The following ENTPD1 variants were observed in gnomAD, a reference collection of about 807,000 sequenced individuals.
ENTPD1 encodes ectonucleoside triphosphate diphosphohydrolase 1, also known as ATP diphosphohydrolase.
Under a neutral mutation model 57.0 loss-of-function variants are expected in ENTPD1, and 33 were observed. The observed-to-expected ratio is 0.58, with a 90% CI of 0.44 to 0.77. The LOEUF (loss-of-function observed/expected upper bound fraction) is 0.77, where lower values mean the gene tolerates loss of function less well. Ranked by LOEUF, ENTPD1 falls within the 30% of genes least tolerant of loss-of-function variation. The pLI is 0.00. For synonymous variants in ENTPD1, 202 were observed against 218.8 expected (o/e 0.92, Z 0.68); for missense variants, 501 against 603.4 (o/e 0.83, Z 1.78).
chr10:95,830,356 G>T (rs919789157), intron 2 of ENTPD1, among the ~76,000 whole-genome samples: 18 of 152,234 alleles, frequency 1.2e-4, no homozygotes, highest in African/African-American at 4.1e-4. Flanking sequence ...AGTATTTTTG[G>T]CTTAAAAGTG....
chr10:95,784,397 T>C (rs1174613702), intron 1 of ENTPD1, among the ~76,000 whole-genome samples: 3 of 152,176 alleles, frequency 2.0e-5, no homozygotes, highest in Non-Finnish European at 4.4e-5. Context: ...CAGCAGCCAC[T>C]CTCTAACTGT....
intron 1 of ENTPD1, 119 bp from the exon 2 acceptor site, chr10:95,823,118 T>G (rs1301047587): frequency 1.7e-6 from 2 of 1,183,854 alleles, no homozygotes; most frequent in East Asian, 4.8e-5. Context: ...TAAAAAAGAT[T>G]GGCTTTTAAT....
intron 7 of ENTPD1, among the ~76,000 whole-genome samples, chr10:95,860,112 T>C (rs1303083544): frequency 3.9e-5 from 6 of 152,202 alleles, no homozygotes; most frequent in Non-Finnish European, 7.3e-5. Flanking sequence ...GTATAGAATT[T>C]TCCAGTTGTT....
intron 1 of ENTPD1, among the ~76,000 whole-genome samples, chr10:95,803,878 T>A (rs1344098808): frequency 6.6e-6 from 1 of 152,240 alleles, no homozygotes; most frequent in Non-Finnish European, 1.5e-5. Flanking sequence ...TTAATTTTTG[T>A]ATAAGGTGTA....
intron 1 of ENTPD1, among the ~76,000 whole-genome samples, chr10:95,732,468 T>C (rs552099272): frequency 6.6e-6 from 1 of 152,288 alleles, no homozygotes; most frequent in South Asian, 2.1e-4. Context: ...GTAGCAAAAA[T>C]AAAAATTTTC....
At chr10:95,812,771 A>T (rs947290053) in intron 1 of ENTPD1, among the ~76,000 whole-genome samples, 3 of 152,220 alleles carry the variant, frequency 2.0e-5, no homozygotes, top group Non-Finnish European at 2.9e-5. Flanking sequence ...TATTTAAAAA[A>T]TTTTGGCCAT....
At chr10:95,760,524 T>C (rs2098053098) in intron 1 of ENTPD1, among the ~76,000 whole-genome samples, 1 of 152,234 alleles carries the variant, frequency 6.6e-6, no homozygotes, top group Non-Finnish European at 1.5e-5. Flanking sequence ...AGCAATCAGC[T>C]GCACATTAAA....
intron 1 of ENTPD1, among the ~76,000 whole-genome samples, chr10:95,772,811 C>A (rs1367440435): frequency 6.6e-6 from 1 of 152,178 alleles, no homozygotes. Flanking sequence ...ACAGAAAAAT[C>A]ATTATGTATG....
intron 6 of ENTPD1, chr10:95,845,861 G>C (rs979191251): frequency 1.9e-6 from 1 of 518,056 alleles, no homozygotes; most frequent in African/African-American, 1.9e-5. Flanking sequence ...CCCCTCGTGG[G>C]GTTGATAATG....
intron 1 of ENTPD1, 140 bp downstream of exon 1, chr10:95,756,395 G>A (rs536684959): frequency 1.0e-6 from 1 of 978,572 alleles, no homozygotes; most frequent in East Asian, 2.6e-5. Context: ...TTCCTTCTGA[G>A]AGGAGGCAGA....
At chr10:95,833,584 C>T (rs1211323853) in intron 2 of ENTPD1, 1 of 152,132 alleles carries the variant, frequency 6.6e-6, no homozygotes, top group Non-Finnish European at 1.5e-5. Context: ...TCTGAAGGGA[C>T]CATGAAAAGT....
At chr10:95,728,402 T>A (rs1411554719) in intron 1 of ENTPD1, among the ~76,000 whole-genome samples, 1 of 152,202 alleles carries the variant, frequency 6.6e-6, no homozygotes, top group Non-Finnish European at 1.5e-5. Flanking sequence ...TAAGTTTATG[T>A]TGTCTGTTTA....
At chr10:95,770,267 G>GTGTC (rs1292134299) in intron 1 of ENTPD1, among the ~76,000 whole-genome samples, 5 of 151,544 alleles carry the variant, frequency 3.3e-5, no homozygotes, top group African/African-American at 9.7e-5. Flanking sequence ...GTGTGTGTGT[G>GTGTC]TGTGTGTGTG....
chr10:95,842,845 T>C (rs1237331471), intron 4 of ENTPD1, among the ~76,000 whole-genome samples: 1 of 152,194 alleles, frequency 6.6e-6, no homozygotes, highest in East Asian at 1.9e-4. Flanking sequence ...AGGAGACTCA[T>C]AGACATCCCA....
In ENTPD1 at chr10:95,866,719, G is replaced by A. The variant is rs1590220570; in HGVS notation, c.*336G>A. 4 of 1,172,834 alleles carry A rather than the reference G, an allele frequency of 3.4e-6. No individual in the cohort carries two copies. The highest frequency in any genetic ancestry group is 3.9e-4 in the Middle Eastern group (1 of 2,586). 72.7% of individuals were successfully genotyped at this position (1,172,834 alleles called of 1,614,324 possible). A position where few individuals can be genotyped will look rare whatever the true frequency, so the allele number is the denominator to read the frequency against. ...TTGACTTTGTCTAGAAGAACTGAGA[G>A]TCTTGAGTCCTGTGATAGGAGGCTG... On this transcript the variant is annotated 3_prime_UTR_variant, in exon 10 of 10. Coordinates refer to ENST00000371205, the MANE Select transcript of ENTPD1 (RefSeq NM_001776.6).
the ENTPD1 span, among the ~76,000 whole-genome samples, chr10:95,701,236 G>A: frequency 4.1e-3 from 621 of 152,290 alleles, 4 homozygotes; most frequent in Admixed American, 8.4e-3. Context: ...TGAAGCAGAA[G>A]GACTGCTTGA....
chr10:95,860,325 C>T (rs915472419), intron 7 of ENTPD1, 144 bp from the exon 8 acceptor site: 1 of 652,602 alleles, frequency 1.5e-6, no homozygotes, highest in South Asian at 1.6e-5. Flanking sequence ...AAGGAAACAG[C>T]TCTTGGGCCT....
At chr10:95,781,470 AAT>A (rs1398418896) in intron 1 of ENTPD1, among the ~76,000 whole-genome samples, 1 of 152,202 alleles carries the variant, frequency 6.6e-6, no homozygotes, top group Admixed American at 6.5e-5. Flanking sequence ...ACAAAAGATA[AAT>A]GCTTGAGGTG....
chr10:95,770,752 A>G (rs916288293), intron 1 of ENTPD1, among the ~76,000 whole-genome samples: 6 of 152,120 alleles, frequency 3.9e-5, no homozygotes, highest in African/African-American at 1.5e-4. Context: ...ATGGAGGATT[A>G]GGGCTGGGGA....
Sources: gnomAD v4.1 joint callset for allele counts (sites outside exome capture counted in the v4.1 genomes callset) on GRCh38, gnomAD v4.1.1 for gene constraint, MANE v1.5 for transcripts, NCBI Gene and HGNC (gene_info 2026-07-23, HGNC 2026-07-21) for gene names.